RAI1: variants seen among roughly 807,000 people sequenced by gnomAD.
The protein encoded by RAI1 is retinoic acid-induced protein 1.
Under a neutral mutation model 123.8 loss-of-function variants are expected in RAI1, and 9 were observed. The ratio of observed to expected loss-of-function variants is 0.07; its 90% CI spans 0.04 to 0.13. The LOEUF is 0.13. Ranked by LOEUF, RAI1 falls within the 10% of genes least tolerant of loss-of-function variation. The pLI is 1.00. For synonymous variants in RAI1, 1,231 were observed against 1,127.3 expected, an observed-to-expected ratio of 1.09 and a Z score of -1.84; for missense variants, 2,256 against 2,545.8, an observed-to-expected ratio of 0.89 and a Z score of 2.45.
chr17:17,723,697 C>T (rs948253540), intron 1 of RAI1, among the ~76,000 whole-genome samples: 3 of 149,526 alleles, frequency 2.0e-5, no homozygotes, highest in Middle Eastern at 3.2e-3. Context: ...TTCCCTGCCC[C>T]CTCCTCCTCC....
At position 17,698,683 on chromosome 17, in the gene RAI1, C is replaced by T. The variant is rs368907502; in HGVS notation, c.-149+16890C>T. 1.2e-3 allele frequency among the ~76,000 whole-genome samples: 189 copies of T among 152,348 alleles called. 6 individuals are homozygous for T. The South Asian group carries it at 0.038, about 31-fold the overall frequency. On this transcript the variant is annotated intron_variant, in intron 1 of 5. Coordinates refer to ENST00000353383, the MANE Select transcript of RAI1 (RefSeq NM_030665.4). ...CAGCTGTGGAGGCATTGAGGCCCCT[C>T]TCAGCCCCTGAGCCAGCTGTGAGTG...
At chr17:17,735,206 C>T (rs1350461516) in intron 2 of RAI1, among the ~76,000 whole-genome samples, 1 of 151,976 alleles carries the variant, frequency 6.6e-6, no homozygotes, top group East Asian at 1.9e-4. Context: ...GCTCCCACCA[C>T]CACGCCCAGC....
Position 17,809,331 on chromosome 17 carries a change from C to G in RAI1, c.5660-59C>G. On this transcript the variant is annotated intron_variant, in intron 4 of 5. Transcript: ENST00000353383. This position sits in a 1 kb window ranked among gnomAD's most constrained non-coding sequence, Gnocchi z 4.9. ...GCTCCCCTCCTGGCTGCAGACAAAA[C>G]CCCACAGCTGTGGGGCCCCCACCCT... is the stretch of plus-strand genomic sequence containing the variant. 1 of 1,476,292 alleles carries G rather than the reference C, an allele frequency of 6.8e-7. No individual in the cohort carries two copies. Among genetic ancestry groups the G allele is most frequent in the Non-Finnish European group, 9.5e-7 (1 of 1,055,306 alleles). 91.4% of individuals were successfully genotyped at this position (1,476,292 alleles called of 1,614,324 possible). A position where few individuals can be genotyped will look rare whatever the true frequency, so the allele number is the denominator to read the frequency against.
intron 2 of RAI1, among the ~76,000 whole-genome samples, chr17:17,755,137 G>A (rs2030383764): frequency 6.6e-6 from 1 of 152,244 alleles, no homozygotes; most frequent in South Asian, 2.1e-4. Flanking sequence ...GAGCCTTCCT[G>A]TCACGGTGCT....
chr17:17,682,733 G>A (rs1221789897), intron 1 of RAI1, among the ~76,000 whole-genome samples: 15 of 152,186 alleles, frequency 9.9e-5, no homozygotes, highest in Admixed American at 9.8e-4. Context: ...GCTTCCTGGG[G>A]CGCCCGTTTT....
chr17:17,722,913 G>T (rs2142927383), intron 1 of RAI1, among the ~76,000 whole-genome samples: 1 of 152,318 alleles, frequency 6.6e-6, no homozygotes, highest in East Asian at 1.9e-4. Flanking sequence ...GGCGCCTTAA[G>T]CGGCTCTTCT....
chr17:17,695,776 C>T (rs1444662868), intron 1 of RAI1, among the ~76,000 whole-genome samples: 1 of 152,188 alleles, frequency 6.6e-6, no homozygotes, highest in African/African-American at 2.4e-5. Flanking sequence ...CCCACCTTCG[C>T]CTCCCTAAGT....
intron 2 of RAI1, among the ~76,000 whole-genome samples, chr17:17,735,727 C>A (rs1916412848): frequency 6.6e-6 from 1 of 152,238 alleles, no homozygotes; most frequent in African/African-American, 2.4e-5. Context: ...GTAGTGAGTG[C>A]CCCATCTTAG....
In RAI1 at chr17:17,799,521, TC is replaced by T. The variant is rs1190605630; in HGVS notation, c.5565+1010del. 1.3e-5 allele frequency among the ~76,000 whole-genome samples: 2 copies of T among 152,088 alleles called. No homozygotes were observed. The highest frequency in any genetic ancestry group is 4.8e-5 in the African/African-American group (2 of 41,374). On this transcript the variant is annotated intron_variant, in intron 3 of 5. Transcript: ENST00000353383. The surrounding 1 kb of genome is among the most constrained non-coding windows in gnomAD (Gnocchi z 4.5). ...CCGACTCCACTGCCTCATCCAGACT[TC>T]CGTGGAGTGACGCTCCCGGCTCTCA...
Position 17,795,902 on chromosome 17 carries a change from C to A in RAI1, c.2954C>A (p.Pro985His). The A allele has an allele frequency of 6.2e-7, 1 of 1,611,318 alleles. No individual in the cohort carries two copies. ...KPNKPAVPEA[P>H]IAKKEPVPRG... ...AACAAGCCTGCTGTGCCCGAGGCGCCCATCGCAAAGAAAGAGCCTGTGCCA... is the reference window on the plus strand; with the variant it reads ...AACAAGCCTGCTGTGCCCGAGGCGCACATCGCAAAGAAAGAGCCTGTGCCA... Residue 985 changes from proline (P) to histidine (H), a missense_variant, in exon 3 of 6, where the codon CCC becomes CAC. Physicochemically the swap from Pro to His is moderately conservative, Grantham distance 77. Transcript: ENST00000353383. The surrounding 1 kb of genome is among the most constrained non-coding windows in gnomAD (Gnocchi z 5.9).
intron 1 of RAI1, among the ~76,000 whole-genome samples, chr17:17,719,174 C>A (rs1185005904): frequency 1.3e-5 from 2 of 152,226 alleles, no homozygotes; most frequent in Non-Finnish European, 2.9e-5. Context: ...GGGAGAAACT[C>A]TGACCACCCA....
At chr17:17,784,569 T>A (rs548311762) in intron 2 of RAI1, among the ~76,000 whole-genome samples, 1 of 152,192 alleles carries the variant, frequency 6.6e-6, no homozygotes, top group Non-Finnish European at 1.5e-5. Flanking sequence ...GCAAAAAGTG[T>A]CTTCCCGTGG....
At chr17:17,699,507 T>C (rs919880768) in intron 1 of RAI1, among the ~76,000 whole-genome samples, 1 of 151,842 alleles carries the variant, frequency 6.6e-6, no homozygotes, top group Non-Finnish European at 1.5e-5. Context: ...TAGTGTTTCC[T>C]GAACACCTAG....
At chr17:17,792,378 C>T (rs1384711640) in intron 2 of RAI1, among the ~76,000 whole-genome samples, 4 of 151,988 alleles carry the variant, frequency 2.6e-5, no homozygotes, top group South Asian at 2.1e-4. Context: ...CACGCATGTG[C>T]GTGGGGACAG....
Position 17,797,109 on chromosome 17 carries a change from C to T in RAI1, c.4161C>T (p.Thr1387=), listed in dbSNP as rs764207949. The T allele has an allele frequency of 5.6e-6, 9 of 1,613,902 alleles. No homozygotes were observed. Among genetic ancestry groups the T allele is most frequent in the South Asian group, 2.2e-5 (2 of 91,094 alleles). Reference sequence around the variant, plus strand: ...AAGAAGGCCTGGTAAATGTGGGCACCGGGCAGAAGCTCCCAACTTCTGGGG... The same window carrying T: ...AAGAAGGCCTGGTAAATGTGGGCACTGGGCAGAAGCTCCCAACTTCTGGGG... ...GVEEGLVNVG[T]GQKLPTSGAD... Residue 1387 remains threonine, a synonymous_variant, in exon 3 of 6, where the codon ACC becomes ACT. Coordinates refer to ENST00000353383, the MANE Select transcript of RAI1 (RefSeq NM_030665.4).
chr17:17,733,973 TTC>T (rs1413277864), intron 2 of RAI1, among the ~76,000 whole-genome samples: 1 of 152,202 alleles, frequency 6.6e-6, no homozygotes, highest in Non-Finnish European at 1.5e-5. Context: ...CACGTGTACG[TTC>T]TGATTCGTCT....
At chr17:17,745,308 AACCCACTGTAGGG>A (rs1203599532) in intron 2 of RAI1, among the ~76,000 whole-genome samples, 1 of 151,616 alleles carries the variant, frequency 6.6e-6, no homozygotes, top group Non-Finnish European at 1.5e-5. Flanking sequence ...GGCCATGATC[AACCCACTGTAGGG>A]AGCCACCAAG....
At chr17:17,749,909 G>C (rs1488940842) in intron 2 of RAI1, among the ~76,000 whole-genome samples, 1 of 152,252 alleles carries the variant, frequency 6.6e-6, no homozygotes, top group Non-Finnish European at 1.5e-5. Context: ...ATAAGCACAT[G>C]CCTGTACTAG....
intron 2 of RAI1, among the ~76,000 whole-genome samples, chr17:17,781,062 C>T (rs557698640): frequency 3.2e-4 from 49 of 152,340 alleles, no homozygotes; most frequent in African/African-American, 1.1e-3. Flanking sequence ...CCAGAGGCTG[C>T]CCTCTTGGGG....
Sources: gnomAD v4.1 joint callset for allele counts (sites outside exome capture counted in the v4.1 genomes callset) on GRCh38, gnomAD v4.1.1 for gene constraint, Gnocchi (gnomAD v3.1) non-coding constraint, MANE v1.5 for transcripts, NCBI Gene and HGNC (gene_info 2026-07-23, HGNC 2026-07-21) for gene names.